SOX5: variants seen among roughly 807,000 people sequenced by gnomAD.
The protein encoded by SOX5 is SRY-box transcription factor 5, also known as transcription factor SOX-5.
A neutral mutation model predicts 92.0 loss-of-function variants in SOX5; 9 were observed. The ratio of observed to expected loss-of-function variants is 0.10; its 90% CI spans 0.06 to 0.17. SOX5 has a LOEUF of 0.17. Ranked by LOEUF, SOX5 falls within the 10% of genes least tolerant of loss-of-function variation. SOX5 has a pLI of 1.00. For missense variants in SOX5, 642 were observed against 944.5 expected (o/e 0.68, Z 4.20); for synonymous variants, 344 against 336.3 (o/e 1.02, Z -0.25).
chr12:23,903,906 TA>T (rs1264935605), intron 1 of SOX5, among the ~76,000 whole-genome samples: 2 of 152,232 alleles, frequency 1.3e-5, no homozygotes, highest in Admixed American at 1.3e-4. Context: ...TGAGCTTGAA[TA>T]GAAAGGTTTC....
intron 4 of SOX5, among the ~76,000 whole-genome samples, chr12:24,134,944 T>C (rs1418623124): frequency 6.6e-6 from 1 of 152,186 alleles, no homozygotes; most frequent in Non-Finnish European, 1.5e-5. Context: ...CATTCACTTA[T>C]TTGTAAAAGT....
At chr12:24,135,488 T>C (rs941946849) in intron 4 of SOX5, among the ~76,000 whole-genome samples, 3 of 152,182 alleles carry the variant, frequency 2.0e-5, no homozygotes, top group Non-Finnish European at 4.4e-5. Context: ...ATACAGTAAA[T>C]AATTACTGAG....
intron 3 of SOX5, among the ~76,000 whole-genome samples, chr12:24,266,722 G>A (rs974164892): frequency 6.6e-6 from 1 of 152,084 alleles, no homozygotes; most frequent in African/African-American, 2.4e-5. Context: ...GCCAATAGTT[G>A]ACCAGTTTTA....
chr12:23,899,083 T>C (rs560314821), intron 1 of SOX5, among the ~76,000 whole-genome samples: 1 of 152,236 alleles, frequency 6.6e-6, no homozygotes, highest in Admixed American at 6.5e-5. Context: ...TATCAAAGTG[T>C]TGAAACACTT....
chr12:24,027,402 A>G (rs943317550), intron 4 of SOX5, among the ~76,000 whole-genome samples: 3 of 152,006 alleles, frequency 2.0e-5, no homozygotes, highest in Middle Eastern at 6.8e-3. Flanking sequence ...AACTTCCTCA[A>G]TGTTTTCCAA....
At chr12:23,608,183 G>C (rs1451378141) in intron 8 of SOX5, among the ~76,000 whole-genome samples, 1 of 134,700 alleles carries the variant, frequency 7.4e-6, no homozygotes, top group Non-Finnish European at 1.6e-5. Flanking sequence ...AGTTTAACCA[G>C]ACTCACAGTA....
At chr12:24,018,811 T>G (rs1953966924) in intron 4 of SOX5, among the ~76,000 whole-genome samples, 1 of 151,772 alleles carries the variant, frequency 6.6e-6, no homozygotes, top group South Asian at 2.1e-4. Flanking sequence ...AAAAAATAAA[T>G]AAATAAAAAA....
chr12:23,558,926 C>T (rs1334935494), intron 11 of SOX5, among the ~76,000 whole-genome samples: 1 of 152,182 alleles, frequency 6.6e-6, no homozygotes, highest in East Asian at 1.9e-4. Context: ...TAAGCTACTA[C>T]ATTCAGGTTT....
chr12:24,317,092 A>T (rs747490152), intron 2 of SOX5, among the ~76,000 whole-genome samples: 26 of 152,238 alleles, frequency 1.7e-4, no homozygotes, highest in Non-Finnish European at 3.1e-4. Context: ...AACTCTGATA[A>T]TGAGATAAAG....
chr12:24,506,817 G>A (rs551142050), intron 1 of SOX5, among the ~76,000 whole-genome samples: 175 of 107,124 alleles, frequency 1.6e-3, no homozygotes, highest in African/African-American at 5.7e-3. Context: ...GGAGACGGGA[G>A]TCTCGCTCTG....
chr12:23,970,840 A>ATTTTTTTT, intron 4 of SOX5, among the ~76,000 whole-genome samples: 3 of 33,472 alleles, frequency 9.0e-5, no homozygotes, highest in African/African-American at 2.1e-4. Flanking sequence ...ATATATATAT[A>ATTTTTTTT]ATTTTTTTTT....
At chr12:23,881,250 T>C (rs1470803945) in intron 2 of SOX5, among the ~76,000 whole-genome samples, 2 of 152,208 alleles carry the variant, frequency 1.3e-5, no homozygotes, top group African/African-American at 4.8e-5. Flanking sequence ...ATTTGCACTG[T>C]ATATCACTTT....
At chr12:23,802,676 G>T (rs558337440) in intron 3 of SOX5, among the ~76,000 whole-genome samples, 14 of 152,170 alleles carry the variant, frequency 9.2e-5, no homozygotes, top group Admixed American at 3.3e-4. Flanking sequence ...GATGATATCA[G>T]CTATAATTGT....
At chr12:24,498,289 A>G (rs3923578) in intron 1 of SOX5, among the ~76,000 whole-genome samples, 3,018 of 152,316 alleles carry the variant, frequency 0.02, 38 homozygotes, top group South Asian at 0.036. Flanking sequence ...GTGTGGAAAC[A>G]AAAGCTAAGA....
chr12:24,202,655 C>T (rs919757523), intron 4 of SOX5, among the ~76,000 whole-genome samples: 1 of 152,156 alleles, frequency 6.6e-6, no homozygotes, highest in South Asian at 2.1e-4. Context: ...GACCTTCACA[C>T]TTTTTAAGGG....
chr12:23,855,232 AATTT>A (rs1375501806), intron 2 of SOX5, among the ~76,000 whole-genome samples: 1 of 152,012 alleles, frequency 6.6e-6, no homozygotes, highest in African/African-American at 2.4e-5. Flanking sequence ...AATAATTTAA[AATTT>A]ATTTAATGTG....
At chr12:23,954,023 CA>C (rs918065142), upstream of SOX5, among the ~76,000 whole-genome samples, 1 of 151,988 alleles carries the variant, frequency 6.6e-6, no homozygotes, top group African/African-American at 2.4e-5. Flanking sequence ...TTTAAAATCA[CA>C]AACAAGTTAT....
At chr12:24,351,099 A>C (rs1290956419) in intron 2 of SOX5, among the ~76,000 whole-genome samples, 1 of 152,084 alleles carries the variant, frequency 6.6e-6, no homozygotes, top group African/African-American at 2.4e-5. Context: ...GAACTCAATA[A>C]GTGGTAGATA....
chr12:23,693,160 T>C (rs573377659), intron 6 of SOX5, among the ~76,000 whole-genome samples: 10 of 152,290 alleles, frequency 6.6e-5, no homozygotes, highest in African/African-American at 2.4e-4. Context: ...TCTCACTGTG[T>C]TGCCCAGGCT....
Sources: gnomAD v4.1 joint callset for allele counts (sites outside exome capture counted in the v4.1 genomes callset) on GRCh38, gnomAD v4.1.1 for gene constraint, MANE v1.5 for transcripts, NCBI Gene and HGNC (gene_info 2026-07-23, HGNC 2026-07-21) for gene names.